The following SHISA6 variants were observed in gnomAD, a reference collection of about 807,000 sequenced individuals.
The protein encoded by SHISA6 is protein shisa-6.
A neutral mutation model predicts 47.9 loss-of-function variants in SHISA6; 22 were observed. The ratio of observed to expected loss-of-function variants is 0.46; its 90% CI spans 0.33 to 0.66. The LOEUF is 0.66. Ranked by LOEUF, SHISA6 falls within the 30% of genes least tolerant of loss-of-function variation. The probability of loss-of-function intolerance (pLI) is 0.02; values close to 1 mark genes in which losing one functional copy is unlikely to be tolerated. For synonymous variants in SHISA6, 388 were observed against 337.8 expected, an observed-to-expected ratio of 1.15 and a Z score of -1.63; for missense variants, 680 against 764.6, an observed-to-expected ratio of 0.89 and a Z score of 1.30.
intron 2 of SHISA6, among the ~76,000 whole-genome samples, chr17:11,284,370 T>C (rs1327498203): frequency 6.6e-6 from 1 of 152,188 alleles, no homozygotes; most frequent in African/African-American, 2.4e-5. Flanking sequence ...CTTCCATCTT[T>C]ATGCTTGTTA....
intron 3 of SHISA6, among the ~76,000 whole-genome samples, chr17:11,542,220 T>C (rs948689599): frequency 2.6e-5 from 4 of 151,840 alleles, no homozygotes; most frequent in South Asian, 2.1e-4. Context: ...CACTGTGAGA[T>C]ACCCTTGCCT....
At chr17:11,314,605 G>A (rs1441593822) in intron 2 of SHISA6, among the ~76,000 whole-genome samples, 4 of 149,708 alleles carry the variant, frequency 2.7e-5, no homozygotes, top group Admixed American at 6.8e-5. Context: ...GCACAGTCTC[G>A]GCTCACTGCA....
At chr17:11,396,146 A>G (rs1913566324) in intron 3 of SHISA6, among the ~76,000 whole-genome samples, 1 of 152,242 alleles carries the variant, frequency 6.6e-6, no homozygotes, top group Non-Finnish European at 1.5e-5. Flanking sequence ...AGAGATCATC[A>G]TAGACTTTCC....
chr17:11,365,060 A>G (rs1024253061), intron 2 of SHISA6, among the ~76,000 whole-genome samples: 1 of 152,204 alleles, frequency 6.6e-6, no homozygotes, highest in Non-Finnish European at 1.5e-5. Flanking sequence ...TACAAAGGAT[A>G]TTCTTGACCA....
chr17:11,300,149 CAAAA>C (rs56060137), intron 2 of SHISA6, among the ~76,000 whole-genome samples: 10 of 129,172 alleles, frequency 7.7e-5, no homozygotes, highest in Middle Eastern at 4.3e-3. Flanking sequence ...CATCTTAAAA[CAAAA>C]AAAAAAAAAA....
At chr17:11,405,223 T>C (rs933471592) in intron 3 of SHISA6, among the ~76,000 whole-genome samples, 1 of 152,176 alleles carries the variant, frequency 6.6e-6, no homozygotes, top group Non-Finnish European at 1.5e-5. Context: ...TCACATGCAT[T>C]TAAATCACCA....
chr17:11,315,581 A>T (rs1910481495), intron 2 of SHISA6, among the ~76,000 whole-genome samples: 1 of 152,206 alleles, frequency 6.6e-6, no homozygotes, highest in Non-Finnish European at 1.5e-5. Flanking sequence ...GACTTTTCAG[A>T]TTACAATATT....
At chr17:11,389,890 G>T (rs1308496830) in intron 3 of SHISA6, among the ~76,000 whole-genome samples, 1 of 152,122 alleles carries the variant, frequency 6.6e-6, no homozygotes, top group Admixed American at 6.5e-5. Context: ...GCTAAGCTAT[G>T]GGGCTAAGTC....
chr17:11,373,443 C>T (rs556338152), intron 2 of SHISA6, among the ~76,000 whole-genome samples: 2 of 152,190 alleles, frequency 1.3e-5, no homozygotes, highest in South Asian at 2.1e-4. Flanking sequence ...TCTCCAGCTA[C>T]CCAGCATAGG....
At chr17:11,327,975 C>T (rs1910962958) in intron 2 of SHISA6, among the ~76,000 whole-genome samples, 1 of 152,258 alleles carries the variant, frequency 6.6e-6, no homozygotes, top group African/African-American at 2.4e-5. Flanking sequence ...GATACACACA[C>T]ACAGTTTTGT....
chr17:11,304,240 A>T (rs1201861503), intron 2 of SHISA6, among the ~76,000 whole-genome samples: 1 of 152,190 alleles, frequency 6.6e-6, no homozygotes, highest in African/African-American at 2.4e-5. Context: ...CTGGAGTTGG[A>T]CGAAGGCACT....
intron 3 of SHISA6, among the ~76,000 whole-genome samples, chr17:11,518,462 A>AACACATAC (rs373297957): frequency 1.3e-5 from 2 of 151,960 alleles, no homozygotes; most frequent in Admixed American, 6.6e-5. Context: ...CACACACACA[A>AACACATAC]ACACATACAC....
intron 2 of SHISA6, among the ~76,000 whole-genome samples, chr17:11,294,467 A>G (rs918710725): frequency 2.6e-5 from 4 of 152,234 alleles, no homozygotes; most frequent in African/African-American, 7.2e-5. Context: ...TGTGGACCCA[A>G]GAAGACAGTG....
At chr17:11,272,475 G>A (rs1300042225) in intron 2 of SHISA6, among the ~76,000 whole-genome samples, 1 of 152,136 alleles carries the variant, frequency 6.6e-6, no homozygotes, top group Non-Finnish European at 1.5e-5. Context: ...CCCCAGTTTG[G>A]AACCCCGCTC....
chr17:11,483,746 C>A lies in SHISA6; in HGVS notation c.896-68150C>A, dbSNP rs11869655. Among the ~76,000 whole-genome samples, 748 of 152,188 alleles carry A rather than the reference C, an allele frequency of 4.9e-3. 12 individuals carry two copies. Among genetic ancestry groups the A allele is most frequent in the African/African-American group, 0.017 (692 of 41,526 alleles). ...GCCAAGGTGGGAGGATTGCTTGAGGCCAGGAGTTCAAGACCAGCCTGAGCA... is the reference window on the plus strand; with the variant it reads ...GCCAAGGTGGGAGGATTGCTTGAGGACAGGAGTTCAAGACCAGCCTGAGCA... On this transcript the variant is annotated intron_variant, in intron 3 of 5. Transcript: ENST00000441885.
At chr17:11,525,720 A>G (rs913653188) in intron 3 of SHISA6, among the ~76,000 whole-genome samples, 56 of 150,796 alleles carry the variant, frequency 3.7e-4, no homozygotes, top group African/African-American at 1.2e-3. Flanking sequence ...GTTGTTTTAT[A>G]TAACAGTCTT....
At chr17:11,521,489 A>G (rs1445706104) in intron 3 of SHISA6, among the ~76,000 whole-genome samples, 1 of 152,170 alleles carries the variant, frequency 6.6e-6, no homozygotes, top group Non-Finnish European at 1.5e-5. Context: ...AATACTAGTG[A>G]TGAAGAAACT....
intron 2 of SHISA6, among the ~76,000 whole-genome samples, chr17:11,293,735 G>A (rs1909634457): frequency 6.6e-6 from 1 of 152,134 alleles, no homozygotes; most frequent in Non-Finnish European, 1.5e-5. Flanking sequence ...GTCAGTCTCT[G>A]GTGCTGTAGG....
chr17:11,413,720 G>T (rs766396293), intron 3 of SHISA6, among the ~76,000 whole-genome samples: 4 of 152,142 alleles, frequency 2.6e-5, no homozygotes, highest in African/African-American at 9.7e-5. Flanking sequence ...TGTTCCAGCC[G>T]TGTTTCCAAA....
Sources: allele counts gnomAD v4.1 joint callset (sites outside exome capture counted in the v4.1 genomes callset), GRCh38; gene constraint gnomAD v4.1.1; transcripts MANE v1.5; gene names NCBI Gene and HGNC (gene_info 2026-07-23, HGNC 2026-07-21).